CSMD1: variants seen among roughly 807,000 people sequenced by gnomAD.
CSMD1 encodes CUB and Sushi multiple domains 1, also known as CUB and sushi domain-containing protein 1.
In CSMD1, 213 loss-of-function variants were observed where a neutral mutation model predicts 417.5. That is an observed-to-expected ratio of 0.51 (90% CI 0.46 to 0.57). The LOEUF is 0.57. Among genes scored for constraint, CSMD1 ranks in the 20% least tolerant of loss-of-function variants. CSMD1 has a pLI of 0.00. For missense variants in CSMD1, 6,923 were observed against 4,529.7 expected, an observed-to-expected ratio of 1.53 and a Z score of -15.17; for synonymous variants, 2,862 against 1,736.8, an observed-to-expected ratio of 1.65 and a Z score of -16.11.
At chr8:3,817,343 G>A (rs1427052595) in intron 5 of CSMD1, among the ~76,000 whole-genome samples, 1 of 131,434 alleles carries the variant, frequency 7.6e-6, no homozygotes, top group Non-Finnish European at 1.5e-5. Context: ...TACAGTGGCG[G>A]GATCTTGGCT....
At chr8:4,085,575 G>A (rs1800375600) in intron 3 of CSMD1, among the ~76,000 whole-genome samples, 1 of 152,260 alleles carries the variant, frequency 6.6e-6, no homozygotes, top group African/African-American at 2.4e-5. Flanking sequence ...AGAAGAATAT[G>A]AAAGAAACTA....
At chr8:3,039,846 G>C (rs1248214999) in intron 50 of CSMD1, among the ~76,000 whole-genome samples, 2 of 152,152 alleles carry the variant, frequency 1.3e-5, no homozygotes, top group African/African-American at 2.4e-5. Context: ...TACATGCTTT[G>C]CCAAATATCA....
At chr8:3,169,452 T>TA (rs1462675119) in intron 37 of CSMD1, among the ~76,000 whole-genome samples, 1 of 152,114 alleles carries the variant, frequency 6.6e-6, no homozygotes, top group Non-Finnish European at 1.5e-5. Context: ...TCCACTCATA[T>TA]AAACTATCTC....
intron 3 of CSMD1, among the ~76,000 whole-genome samples, chr8:4,317,423 G>A (rs947140817): frequency 6.6e-6 from 1 of 152,140 alleles, no homozygotes; most frequent in Non-Finnish European, 1.5e-5. Flanking sequence ...ACCAGTTAGT[G>A]TATCTCTGTT....
At chr8:3,155,541 G>C (rs1486089192) in intron 39 of CSMD1, among the ~76,000 whole-genome samples, 3 of 151,048 alleles carry the variant, frequency 2.0e-5, no homozygotes, top group Non-Finnish European at 4.4e-5. Context: ...CTAATTTTTT[G>C]TATTTTTAGT....
At chr8:3,911,265 T>C (rs191097520) in intron 5 of CSMD1, among the ~76,000 whole-genome samples, 34 of 152,298 alleles carry the variant, frequency 2.2e-4, no homozygotes, top group African/African-American at 6.5e-4. Context: ...AGGTCATTTT[T>C]CTTTTGTTTA....
intron 5 of CSMD1, among the ~76,000 whole-genome samples, chr8:3,965,846 T>G (rs915609797): frequency 6.6e-6 from 1 of 152,160 alleles, no homozygotes; most frequent in Non-Finnish European, 1.5e-5. Context: ...CTTGAACTCT[T>G]GACCTCATAC....
chr8:3,408,173 A>G lies in CSMD1; in HGVS notation c.1797T>C (p.Asn599=). Residue 599 remains asparagine (N), a synonymous_variant, in exon 14 of 70, where the codon AAT becomes AAC. Transcript: ENST00000635120. ...TASSGIILSP[N]YPEEYGNNMN... ...TGTTGTTCCCATATTCCTCTGGATA[A>G]TTTGGTGACAGAATAATCCCAGATG... 1 of 1,612,756 alleles carries G rather than the reference A, an allele frequency of 6.2e-7. No homozygotes were observed. Among genetic ancestry groups the G allele is most frequent in the Non-Finnish European group, 8.5e-7 (1 of 1,179,208 alleles).
At chr8:4,818,523 A>G (rs1048175091) in intron 1 of CSMD1, among the ~76,000 whole-genome samples, 1 of 152,190 alleles carries the variant, frequency 6.6e-6, no homozygotes, top group Non-Finnish European at 1.5e-5. Flanking sequence ...CGTATTAAGA[A>G]TAATATTATA....
intron 7 of CSMD1, among the ~76,000 whole-genome samples, chr8:3,642,401 G>C (rs1797351963): frequency 2.0e-5 from 3 of 152,082 alleles, no homozygotes; most frequent in South Asian, 4.1e-4. Flanking sequence ...TTTCCCATGA[G>C]TTTATAACCT....
At chr8:3,952,668 CAA>C (rs1563247710) in intron 5 of CSMD1, among the ~76,000 whole-genome samples, 1 of 152,028 alleles carries the variant, frequency 6.6e-6, no homozygotes, top group Non-Finnish European at 1.5e-5. Context: ...ATTCTGAAAT[CAA>C]AGAGATATTA....
intron 26 of CSMD1, among the ~76,000 whole-genome samples, chr8:3,269,815 C>G (rs942613390): frequency 6.6e-6 from 1 of 152,190 alleles, no homozygotes; most frequent in Non-Finnish European, 1.5e-5. Flanking sequence ...TCATGTCCTT[C>G]TGTTTTACAT....
chr8:3,921,661 C>G (rs1004304904), intron 5 of CSMD1, among the ~76,000 whole-genome samples: 1 of 151,972 alleles, frequency 6.6e-6, no homozygotes, highest in Non-Finnish European at 1.5e-5. Flanking sequence ...GTTGTTCAGG[C>G]GTATGTTGCT....
intron 4 of CSMD1, among the ~76,000 whole-genome samples, chr8:4,031,205 T>C (rs1479500118): frequency 6.6e-6 from 1 of 152,340 alleles, no homozygotes; most frequent in East Asian, 1.9e-4. Context: ...ACCCCACTCC[T>C]GGTACCAATC....
chr8:3,988,694 C>G (rs755533732), intron 5 of CSMD1, among the ~76,000 whole-genome samples: 1 of 152,200 alleles, frequency 6.6e-6, no homozygotes, highest in Non-Finnish European at 1.5e-5. Flanking sequence ...AAGTGATATA[C>G]AGGATCTAAA....
At chr8:4,103,621 T>G (rs1000492992) in intron 3 of CSMD1, among the ~76,000 whole-genome samples, 6 of 152,174 alleles carry the variant, frequency 3.9e-5, no homozygotes, top group Non-Finnish European at 8.8e-5. Context: ...AACACTTGTG[T>G]AGTCTTAAGG....
intron 2 of CSMD1, among the ~76,000 whole-genome samples, chr8:4,557,852 C>G (rs1000527791): frequency 6.6e-6 from 1 of 152,182 alleles, no homozygotes; most frequent in Non-Finnish European, 1.5e-5. Flanking sequence ...CAGAGTCACA[C>G]TCTTTTTATA....
intron 23 of CSMD1, among the ~76,000 whole-genome samples, chr8:3,328,835 T>C (rs1806705852): frequency 6.6e-6 from 1 of 152,216 alleles, no homozygotes. Flanking sequence ...ATGATATCTT[T>C]TAAATAAAAG....
chr8:3,711,304 T>C (rs531834994), intron 6 of CSMD1, among the ~76,000 whole-genome samples: 11 of 152,256 alleles, frequency 7.2e-5, no homozygotes, highest in African/African-American at 2.6e-4. Flanking sequence ...GATCCTGGCA[T>C]TGACTCTTGT....
Sources: gnomAD v4.1 joint callset for allele counts (sites outside exome capture counted in the v4.1 genomes callset) on GRCh38, gnomAD v4.1.1 for gene constraint, MANE v1.5 for transcripts, NCBI Gene and HGNC (gene_info 2026-07-23, HGNC 2026-07-21) for gene names.